The following PTPRD variants were observed in gnomAD, a reference collection of about 807,000 sequenced individuals.
The protein encoded by PTPRD is protein tyrosine phosphatase receptor type D.
Under a neutral mutation model 214.5 loss-of-function variants are expected in PTPRD, and 34 were observed. The observed-to-expected ratio is 0.16, with a 90% CI of 0.12 to 0.21. The LOEUF (loss-of-function observed/expected upper bound fraction) is 0.21. Among genes scored for constraint, PTPRD ranks in the 10% least tolerant of loss-of-function variants. The pLI is 1.00. For synonymous variants in PTPRD, 1,128 were observed against 845.7 expected (o/e 1.33, Z -5.79); for missense variants, 2,545 against 2,398.7 (o/e 1.06, Z -1.27).
intron 4 of PTPRD, among the ~76,000 whole-genome samples, chr9:9,950,391 T>G (rs1013028840): frequency 1.3e-5 from 2 of 152,156 alleles, no homozygotes. Context: ...TTTCTTTATT[T>G]GGACCAACTG....
intron 4 of PTPRD, among the ~76,000 whole-genome samples, chr9:9,982,431 A>T: frequency 6.7e-6 from 1 of 149,158 alleles, no homozygotes; most frequent in Non-Finnish European, 1.5e-5. Flanking sequence ...TTATATATTC[A>T]AATGTGGGTA....
intron 3 of PTPRD, among the ~76,000 whole-genome samples, chr9:10,131,728 G>A (rs1033112820): frequency 6.6e-6 from 1 of 152,016 alleles, no homozygotes; most frequent in South Asian, 2.1e-4. Context: ...GAATTGTGAA[G>A]GGCACAGTAA....
At chr9:10,530,170 T>G (rs1172630629) in intron 2 of PTPRD, among the ~76,000 whole-genome samples, 1 of 152,268 alleles carries the variant, frequency 6.6e-6, no homozygotes, top group East Asian at 1.9e-4. Flanking sequence ...AAGTCTATAG[T>G]AAAATTATCT....
At chr9:10,199,053 A>T (rs1274019339) in intron 3 of PTPRD, among the ~76,000 whole-genome samples, 1 of 151,798 alleles carries the variant, frequency 6.6e-6, no homozygotes, top group Non-Finnish European at 1.5e-5. Context: ...ATTCTTTCCA[A>T]ATTCTTTTTT....
At chr9:9,914,461 C>T (rs1002043343) in intron 5 of PTPRD, among the ~76,000 whole-genome samples, 1 of 152,200 alleles carries the variant, frequency 6.6e-6, no homozygotes, top group Admixed American at 6.5e-5. Context: ...AGAAATAACC[C>T]TGTGCCTGCA....
At chr9:9,544,702 C>T (rs2078368366) in intron 8 of PTPRD, among the ~76,000 whole-genome samples, 1 of 151,558 alleles carries the variant, frequency 6.6e-6, no homozygotes, top group African/African-American at 2.4e-5. Context: ...ACAAAATTTT[C>T]CTTGGATCAT....
At chr9:9,643,535 A>G (rs2096044002) in intron 7 of PTPRD, among the ~76,000 whole-genome samples, 2 of 152,216 alleles carry the variant, frequency 1.3e-5, no homozygotes, top group African/African-American at 2.4e-5. Flanking sequence ...GCTCTAGGCA[A>G]CTGTGGTTGA....
At chr9:8,629,417 A>C (rs1469258852) in intron 14 of PTPRD, among the ~76,000 whole-genome samples, 1 of 151,858 alleles carries the variant, frequency 6.6e-6, no homozygotes, top group Non-Finnish European at 1.5e-5. Flanking sequence ...TCCTGCTGAT[A>C]TCTTTAGTCA....
At chr9:9,542,751 C>T (rs1265432330) in intron 8 of PTPRD, among the ~76,000 whole-genome samples, 1 of 151,580 alleles carries the variant, frequency 6.6e-6, no homozygotes, top group Non-Finnish European at 1.5e-5. Context: ...CAAATTAAAC[C>T]ACAATGAGAT....
chr9:10,133,355 G>C (rs895763831), intron 3 of PTPRD, among the ~76,000 whole-genome samples: 14 of 152,288 alleles, frequency 9.2e-5, no homozygotes, highest in African/African-American at 3.4e-4. Flanking sequence ...GATTCCTACA[G>C]CTAAAAAACT....
chr9:9,476,477 A>G (rs563994472), intron 8 of PTPRD, among the ~76,000 whole-genome samples: 1 of 152,242 alleles, frequency 6.6e-6, no homozygotes, highest in Non-Finnish European at 1.5e-5. Flanking sequence ...AATCAAGGGT[A>G]GGAAATACTT....
At chr9:9,757,274 T>C (rs1194980598) in intron 6 of PTPRD, among the ~76,000 whole-genome samples, 1 of 152,162 alleles carries the variant, frequency 6.6e-6, no homozygotes, top group Non-Finnish European at 1.5e-5. Flanking sequence ...TTCATGCAAA[T>C]AGTAGCTCTG....
intron 3 of PTPRD, among the ~76,000 whole-genome samples, chr9:10,124,383 G>A (rs1252288364): frequency 1.3e-5 from 2 of 152,140 alleles, no homozygotes; most frequent in African/African-American, 4.8e-5. Context: ...ACACTATGCA[G>A]CTAAATGCAT....
At chr9:9,035,849 T>C (rs2099620056) in intron 10 of PTPRD, among the ~76,000 whole-genome samples, 2 of 152,148 alleles carry the variant, frequency 1.3e-5, no homozygotes, top group South Asian at 4.1e-4. Flanking sequence ...AGGTGTTTCT[T>C]TCTCTACTGC....
At chr9:8,861,437 T>C (rs921721276) in intron 11 of PTPRD, 3 of 152,226 alleles carry the variant, frequency 2.0e-5, no homozygotes, top group Non-Finnish European at 4.4e-5. Flanking sequence ...TTTTTTATTT[T>C]TTTATTTTTT....
At chr9:9,091,346 T>G in intron 10 of PTPRD, 2 of 739,024 alleles carry the variant, frequency 2.7e-6, no homozygotes, top group South Asian at 2.9e-5. Context: ...GCTGCGTATT[T>G]TTCTGGAACT....
At chr9:8,841,605 T>A (rs1601588789) in intron 11 of PTPRD, among the ~76,000 whole-genome samples, 1 of 152,168 alleles carries the variant, frequency 6.6e-6, no homozygotes, top group South Asian at 2.1e-4. Context: ...ACAAATGTAT[T>A]GTATTCTTAA....
intron 9 of PTPRD, among the ~76,000 whole-genome samples, chr9:9,239,772 G>T (rs1045836095): frequency 1.4e-4 from 22 of 152,182 alleles, no homozygotes; most frequent in Non-Finnish European, 3.2e-4. Flanking sequence ...TGGCCCAGTT[G>T]TGACTCCTGG....
intron 8 of PTPRD, among the ~76,000 whole-genome samples, chr9:9,403,061 G>T (rs1040630244): frequency 1.3e-5 from 2 of 149,990 alleles, no homozygotes; most frequent in Non-Finnish European, 3.0e-5. Flanking sequence ...AGCCAAAGGC[G>T]AGTGGATCAC....
Sources: gnomAD v4.1 joint callset for allele counts (sites outside exome capture counted in the v4.1 genomes callset) on GRCh38, gnomAD v4.1.1 for gene constraint, MANE v1.5 for transcripts, NCBI Gene and HGNC (gene_info 2026-07-23, HGNC 2026-07-21) for gene names.